Variants in GK observed in about 807,000 individuals in gnomAD.
The protein encoded by GK is ATP:glycerol 3-phosphotransferase.
A neutral mutation model predicts 56.4 loss-of-function variants in GK; 9 were observed. That is an observed-to-expected ratio of 0.16 (90% confidence interval 0.10 to 0.28). The LOEUF (loss-of-function observed/expected upper bound fraction) is 0.28, where lower values mean the gene tolerates loss of function less well. Among genes scored for constraint, GK ranks in the 10% least tolerant of loss-of-function variants. The pLI is 1.00. For missense variants in GK, 161 were observed against 431.4 expected (o/e 0.37, Z 5.55); for synonymous variants, 104 against 144.1 (o/e 0.72, Z 1.99).
chrX:30,708,448 T>C (rs1936144448), intron 13 of GK, among the ~76,000 whole-genome samples: 2 of 110,439 alleles, frequency 1.8e-5, no homozygotes, highest in Admixed American at 9.7e-5. Context: ...ACGTGCTCTC[T>C]AACATTTCTT....
intron 4 of GK, among the ~76,000 whole-genome samples, chrX:30,679,226 T>C (rs1934132347): frequency 9.1e-6 from 1 of 109,674 alleles, no homozygotes; most frequent in Non-Finnish European, 1.9e-5. Flanking sequence ...TGAGCTTTTT[T>C]TTTTTTTTTC....
At chrX:30,665,936 T>C (rs780011814) in intron 2 of GK, among the ~76,000 whole-genome samples, 5 of 112,392 alleles carry the variant, frequency 4.4e-5, no homozygotes, top group Non-Finnish European at 9.4e-5. Flanking sequence ...AATAAAGGTA[T>C]CTTTTTAAAA....
rs761115077 is a variant in GK at position 30,656,407 on chromosome X, G to T, written c.78+2792G>T. ...GACTTTCCTGAGACCAATAATCTCT[G>T]CAAGCTTTCTTCTTCTTTTTTCTCT... On this transcript the variant is annotated intron_variant, in intron 1 of 20. Coordinates refer to ENST00000427190, the MANE Select transcript of GK (RefSeq NM_001205019.2). Among the ~76,000 whole-genome samples, 9 of 111,869 alleles carry T rather than the reference G, an allele frequency of 8.0e-5. No homozygotes were observed. The South Asian group carries it at 3.3e-3, about 42-fold the overall frequency.
intron 6 of GK, among the ~76,000 whole-genome samples, chrX:30,694,762 T>G (rs1569159361): frequency 8.9e-6 from 1 of 111,862 alleles, no homozygotes; most frequent in Admixed American, 9.5e-5. Context: ...TGAAGGATAA[T>G]TACCAAAACT....
At chrX:30,687,622 G>T (rs1361549582) in intron 4 of GK, 3 of 339,558 alleles carry the variant, frequency 8.8e-6, no homozygotes, top group Non-Finnish European at 1.8e-5. Flanking sequence ...CTCAGGTATT[G>T]GTGCTCTGGC....
At chrX:30,660,756 A>G (rs1050041095) in intron 1 of GK, among the ~76,000 whole-genome samples, 3 of 108,473 alleles carry the variant, frequency 2.8e-5, no homozygotes, top group Non-Finnish European at 5.7e-5. Flanking sequence ...GACGTTGTCA[A>G]CTACCTTTCT....
chrX:30,696,711 C>T, intron 8 of GK, 28 bp downstream of exon 8: 1 of 1,098,310 alleles, frequency 9.1e-7, no homozygotes, highest in African/African-American at 1.8e-5. Context: ...AAACAAAAAA[C>T]ACACCAAAAA....
rs1212971842 is a variant in GK at position 30,653,447 on chromosome X, C to A, written c.-91C>A. ...AGCGTTCAGCGGACGCGCGCGGCCT[C>A]GATCTCTGGACTCGTCACCTGCCCC... On this transcript the variant is annotated 5_prime_UTR_variant, in exon 1 of 21. Coordinates refer to ENST00000427190, the MANE Select transcript of GK (RefSeq NM_001205019.2). 2 of 811,787 alleles carry A rather than the reference C, an allele frequency of 2.5e-6. No individual in the cohort carries two copies. The highest frequency in any genetic ancestry group is 1.9e-6 in the Non-Finnish European group (1 of 533,728). 66.9% of individuals were successfully genotyped at this position (811,787 alleles called of 1,213,427 possible).
At chrX:30,691,787 C>T (rs1180037806) in intron 5 of GK, among the ~76,000 whole-genome samples, 3 of 110,720 alleles carry the variant, frequency 2.7e-5, no homozygotes, top group Non-Finnish European at 5.7e-5. Context: ...CCAAATCTAT[C>T]CCTATTTTTT....
chrX:30,713,988 C>T (rs1936484195), intron 13 of GK, among the ~76,000 whole-genome samples: 1 of 111,796 alleles, frequency 8.9e-6, no homozygotes, highest in South Asian at 3.7e-4. Flanking sequence ...ATAATACATA[C>T]CCATTAAATA....
At chrX:30,673,897 T>C (rs1933709096) in intron 3 of GK, among the ~76,000 whole-genome samples, 1 of 111,402 alleles carries the variant, frequency 9.0e-6, no homozygotes, top group Non-Finnish European at 1.9e-5. Flanking sequence ...ATAAGTTCAT[T>C]GTGATCCCAT....
At chrX:30,679,503 C>T (rs1223555411) in intron 4 of GK, among the ~76,000 whole-genome samples, 1 of 111,784 alleles carries the variant, frequency 8.9e-6, no homozygotes, top group Non-Finnish European at 1.9e-5. Context: ...ATATTCTAAA[C>T]ATTGAATTGT....
rs185797002 is a variant in GK at position 30,697,923 on chromosome X, T to C, written c.747+174T>C. Reference sequence around the variant, plus strand: ...GATTTTAATTTTTACAAAAACTTAATCTTGTTTGTTTTTAAAGAGTAATGT... The same window carrying C: ...GATTTTAATTTTTACAAAAACTTAACCTTGTTTGTTTTTAAAGAGTAATGT... On this transcript the variant is annotated intron_variant, in intron 9 of 20. Coordinates refer to ENST00000427190, the MANE Select transcript of GK (RefSeq NM_001205019.2). Among the ~76,000 whole-genome samples, 245 of 111,765 alleles carry C rather than the reference T, an allele frequency of 2.2e-3. 1 individual carries two copies. The East Asian group carries it at 0.024, about 11-fold the overall frequency.
chrX:30,727,369 G>A (rs1937178043), intron 19 of GK, 97 bp from the exon 20 acceptor site: 2 of 528,777 alleles, frequency 3.8e-6, no homozygotes, highest in South Asian at 2.7e-5. Flanking sequence ...AGCTTATTTT[G>A]TTTTGCTATC....
intron 4 of GK, among the ~76,000 whole-genome samples, chrX:30,680,492 G>A (rs1055156014): frequency 4.5e-5 from 5 of 111,842 alleles, no homozygotes; most frequent in East Asian, 2.8e-4. Flanking sequence ...CTTAAAACAC[G>A]GGGCAGCTTG....
intron 18 of GK, among the ~76,000 whole-genome samples, chrX:30,723,486 G>A (rs901645536): frequency 3.6e-5 from 4 of 111,465 alleles, no homozygotes; most frequent in African/African-American, 1.3e-4. Context: ...AAAAAGAAGA[G>A]AAAACAGATC....
intron 13 of GK, among the ~76,000 whole-genome samples, chrX:30,709,324 T>C (rs951223462): frequency 8.9e-6 from 1 of 111,931 alleles, no homozygotes; most frequent in African/African-American, 3.2e-5. Context: ...CCCCTCCCAA[T>C]GTGAAAAACC....
At chrX:30,687,415 A>G in intron 4 of GK, 2 of 309,892 alleles carry the variant, frequency 6.5e-6, no homozygotes, top group South Asian at 6.1e-5. Flanking sequence ...ATGTGTAGAA[A>G]AAGTGTTCAT....
chrX:30,729,416 T>C lies in GK; in HGVS notation c.*674T>C, dbSNP rs1937265657. 1 of 111,950 alleles carries C rather than the reference T, an allele frequency of 8.9e-6. No homozygotes were observed. The highest frequency in any genetic ancestry group is 1.9e-5 in the Non-Finnish European group (1 of 53,099). The allele number at this position is 111,950 out of a possible 1,213,427, so 9.2% of individuals were successfully genotyped here. Reference sequence around the variant, plus strand: ...CTGGATCTTATAGGAAAAGATACTTTCTTTTTTCTTCCATCTTTCCTTTTT... The same window carrying C: ...CTGGATCTTATAGGAAAAGATACTTCCTTTTTTCTTCCATCTTTCCTTTTT... On this transcript the variant is annotated 3_prime_UTR_variant, in exon 21 of 21. Coordinates refer to ENST00000427190, the MANE Select transcript of GK (RefSeq NM_001205019.2).
Sources: gnomAD v4.1 joint callset for allele counts (sites outside exome capture counted in the v4.1 genomes callset) on GRCh38, gnomAD v4.1.1 for gene constraint, MANE v1.5 for transcripts, NCBI Gene and HGNC (gene_info 2026-07-23, HGNC 2026-07-21) for gene names.